ZNF225: variants seen among roughly 807,000 people sequenced by gnomAD.
ZNF225 encodes zinc finger protein 225.
In ZNF225, 6 loss-of-function variants were observed where a neutral mutation model predicts 12.0. The observed-to-expected ratio is 0.50, with a 90% CI of 0.27 to 0.98. ZNF225 has a LOEUF of 0.98. ZNF225 is among the 50% of genes least tolerant of loss of function. The probability of loss-of-function intolerance (pLI) is 0.11; values close to 1 mark genes in which losing one functional copy is unlikely to be tolerated. For missense variants in ZNF225, 763 were observed against 848.2 expected (o/e 0.90, Z 1.25); for synonymous variants, 271 against 283.2 (o/e 0.96, Z 0.43).
Position 44,134,496 on chromosome 19 carries a change from C to T in ZNF225, c.*1761C>T, listed in dbSNP as rs1002891348. The T allele has an allele frequency of 4.6e-5, 7 of 152,204 alleles. No homozygotes were observed. Among genetic ancestry groups the T allele is most frequent in the Non-Finnish European group, 8.8e-5 (6 of 68,044 alleles). The allele number at this position is 152,204 out of a possible 1,614,324, so 9.4% of individuals were successfully genotyped here. ...TGCAGTCTCAGGCCTGTTATATTAA[C>T]TTTTTGTGCACATAGTACTAGAAAA... On this transcript the variant is annotated 3_prime_UTR_variant, in exon 5 of 5. Coordinates refer to ENST00000262894, the MANE Select transcript of ZNF225 (RefSeq NM_013362.4).
At chr19:44,130,827 C>T in intron 4 of ZNF225, 23 bp from the exon 5 acceptor site, 1 of 1,578,268 alleles carries the variant, frequency 6.3e-7, no homozygotes, top group South Asian at 1.2e-5. Flanking sequence ...TTGCCCACAT[C>T]TCTTAATTCT....
chr19:44,118,820 C>CTTTTT (rs111822475), intron 4 of ZNF225, among the ~76,000 whole-genome samples: 1 of 143,476 alleles, frequency 7.0e-6, no homozygotes, highest in African/African-American at 2.6e-5. Flanking sequence ...TTTCTGGCTT[C>CTTTTT]TTTTTTTTTT....
chr19:44,129,478 A>T (rs559728099), intron 4 of ZNF225: 30 of 157,232 alleles, frequency 1.9e-4, no homozygotes, highest in African/African-American at 6.9e-4. Flanking sequence ...TACATCCCCA[A>T]GATTAAGGTG....
In ZNF225 at chr19:44,133,001, G is replaced by A; in HGVS notation, c.*266G>A. On this transcript the variant is annotated 3_prime_UTR_variant, in exon 5 of 5. Transcript: ENST00000262894. ...TTAACCAACCTTTGGCTACCACCCT[G>A]CCTCCTCACCTCTAAGAACTACTAT... 1 of 292,350 alleles carries A rather than the reference G, an allele frequency of 3.4e-6. No homozygotes were observed. The highest frequency in any genetic ancestry group is 6.4e-6 in the Non-Finnish European group (1 of 155,796). The allele number at this position is 292,350 out of a possible 1,614,324, so 18.1% of individuals were successfully genotyped here.
intron 4 of ZNF225, among the ~76,000 whole-genome samples, chr19:44,127,764 C>T (rs1398586987): frequency 6.6e-6 from 1 of 152,084 alleles, no homozygotes; most frequent in Non-Finnish European, 1.5e-5. Context: ...TCTCCTGCCT[C>T]AGCCTCCCAA....
chr19:44,113,765 G>T (rs1967879384), intron 1 of ZNF225, among the ~76,000 whole-genome samples, 196 bp downstream of exon 1: 2 of 152,112 alleles, frequency 1.3e-5, no homozygotes, highest in East Asian at 1.9e-4. Context: ...GCGATAAAAC[G>T]CTGGGATGTT....
upstream of ZNF225, chr19:44,112,816 T>C (rs1967857086): frequency 6.6e-6 from 1 of 152,236 alleles, no homozygotes. Context: ...AGAAACCATT[T>C]CTTACCATTA....
chr19:44,129,908 C>T (rs1056088592), intron 4 of ZNF225: 1 of 152,232 alleles, frequency 6.6e-6, no homozygotes, highest in Non-Finnish European at 1.5e-5. Context: ...ATATACAATA[C>T]AAACTAAAAT....
At chr19:44,121,290 C>G (rs936030255) in intron 4 of ZNF225, among the ~76,000 whole-genome samples, 1 of 152,198 alleles carries the variant, frequency 6.6e-6, no homozygotes, top group Admixed American at 6.5e-5. Context: ...ATAATAGTCT[C>G]CAGTCTCATC....
In ZNF225 at chr19:44,131,159, G is replaced by T. The variant is rs1292999760; in HGVS notation, c.545G>T (p.Gly182Val). The T allele has an allele frequency of 6.2e-7, 1 of 1,614,170 alleles. No homozygotes were observed. Among genetic ancestry groups the T allele is most frequent in the South Asian group, 1.1e-5 (1 of 91,084 alleles). Residue 182 changes from glycine to valine, a missense_variant, in exon 5 of 5, where the codon GGA becomes GTA. By Grantham distance (109) the Gly-to-Val change is moderately radical. Transcript: ENST00000262894. The part of the protein sequence containing the change: ...REKSHTCDEC[G>V]KSFCYSSALR... The stretch of plus-strand genomic sequence containing the variant: ...AAGTCTCATACATGTGATGAATGTG[G>T]AAAGAGTTTCTGTTATAGCTCAGCT...
At position 44,131,811 on chromosome 19, in the gene ZNF225, A is replaced by C. The variant is rs771595194; in HGVS notation, c.1197A>C (p.Thr399=). ...RHVRVHSGET[T]FKCEECGKGF... is the part of the protein sequence containing the mutation. ...TGCGAGTCCACAGTGGAGAGACAAC[A>C]TTCAAATGTGAAGAATGTGGGAAGG... Residue 399 remains threonine, a synonymous_variant, in exon 5 of 5, where the codon ACA becomes ACC. Transcript: ENST00000262894. 3.7e-6 allele frequency: 6 copies of C among 1,614,072 alleles called. No homozygotes were observed. Among genetic ancestry groups the C allele is most frequent in the Admixed American group, 3.3e-5 (2 of 60,012 alleles).
Position 44,131,674 on chromosome 19 carries a change from A to C in ZNF225, c.1060A>C (p.Ile354Leu). 6.2e-7 allele frequency: 1 copy of C among 1,614,172 alleles called. No homozygotes were observed. The highest frequency in any genetic ancestry group is 8.5e-7 in the Non-Finnish European group (1 of 1,180,014). ...ATGTGAGGAATGTGGAAAACGCTTC[A>C]TTTATAGGCAAGATCTTTATAAGCA... ...YKCEECGKRF[I>L]YRQDLYKHQI... The change falls in exon 5 of 5, where the codon ATT becomes CTT. Residue 354 changes from isoleucine (I) to leucine (L), a missense_variant. Transcript: ENST00000262894.
rs778488103 is a variant in ZNF225, at chr19:44,131,809, A to G, written c.1195A>G (p.Thr399Ala). Residue 399 changes from threonine to alanine, a missense_variant, in exon 5 of 5, where the codon ACA (threonine) becomes GCA (alanine). Thr to Ala is a moderately conservative substitution (Grantham distance 58). Coordinates refer to ENST00000262894, the MANE Select transcript of ZNF225 (RefSeq NM_013362.4). Reference protein sequence around the residue: ...RHVRVHSGETTFKCEECGKGF... With the variant: ...RHVRVHSGETAFKCEECGKGF... ...TGTGCGAGTCCACAGTGGAGAGACA[A>G]CATTCAAATGTGAAGAATGTGGGAA... The G allele has an allele frequency of 1.9e-6, 3 of 1,613,864 alleles. No homozygotes were observed. The Admixed American group carries it at 5.0e-5, about 27-fold the overall frequency.
rs540946151 is a variant in ZNF225 at position 44,118,480 on chromosome 19, A to G, written c.143-2A>G. On this transcript the variant is annotated splice_acceptor_variant, in intron 3 of 4. Transcript: ENST00000262894. LOFTEE classifies it high-confidence loss of function. ...TAAGCACATGACTTTTCACGTTCAC[A>G]GGGCATCAATCACTCCACAGAGATA... The G allele has an allele frequency of 3.7e-5, 59 of 1,613,496 alleles. No individual in the cohort carries two copies. In the South Asian group the frequency reaches 6.0e-4, roughly 17 times the overall value.
At chr19:44,119,154 G>A (rs971538520) in intron 4 of ZNF225, among the ~76,000 whole-genome samples, 2 of 152,064 alleles carry the variant, frequency 1.3e-5, no homozygotes. Flanking sequence ...TGTTTTAAGT[G>A]CCTTTTAGAG....
intron 4 of ZNF225, among the ~76,000 whole-genome samples, chr19:44,119,554 A>G (rs114892312): frequency 6.6e-6 from 1 of 152,098 alleles, no homozygotes; most frequent in Admixed American, 6.6e-5. Flanking sequence ...TTCCATAGTC[A>G]TGCTCACTCT....
At chr19:44,128,253 A>G (rs564446356) in intron 4 of ZNF225, among the ~76,000 whole-genome samples, 2 of 152,354 alleles carry the variant, frequency 1.3e-5, no homozygotes, top group South Asian at 2.1e-4. Flanking sequence ...ATAGCGTGGT[A>G]TATATTTCTG....
chr19:44,115,614 G>A (rs115577528), intron 1 of ZNF225, 146 bp from the exon 2 acceptor site: 4,884 of 475,934 alleles, frequency 0.01, 230 homozygotes, highest in African/African-American at 0.089. Flanking sequence ...ATAGGAGGGA[G>A]TTTGTTGGTG....
intron 1 of ZNF225, chr19:44,114,194 T>C: frequency 9.6e-7 from 1 of 1,043,140 alleles, no homozygotes; most frequent in Admixed American, 1.9e-5. Context: ...ACTTCTTGGC[T>C]TCTGAGGGCA....
Sources: gnomAD v4.1 joint callset for allele counts (sites outside exome capture counted in the v4.1 genomes callset) on GRCh38, gnomAD v4.1.1 for gene constraint, MANE v1.5 for transcripts, NCBI Gene and HGNC (gene_info 2026-07-23, HGNC 2026-07-21) for gene names.